SGTA: variants seen among roughly 807,000 people sequenced by gnomAD.
SGTA encodes the protein small glutamine rich tetratricopeptide repeat co-chaperone alpha, also known as small glutamine-rich tetratricopeptide repeat-containing protein alpha.
In SGTA, 22 loss-of-function variants were observed where a neutral mutation model predicts 44.3. The ratio of observed to expected loss-of-function variants is 0.50; its 90% CI spans 0.36 to 0.71. The LOEUF (loss-of-function observed/expected upper bound fraction) is 0.71. SGTA is among the 30% of genes least tolerant of loss of function. SGTA has a pLI of 0.00. For synonymous variants in SGTA, 174 were observed against 177.6 expected (o/e 0.98, Z 0.16); for missense variants, 341 against 435.9 (o/e 0.78, Z 1.94).
At chr19:2,782,933 G>A (rs1915604273) in intron 1 of SGTA, among the ~76,000 whole-genome samples, 1 of 152,218 alleles carries the variant, frequency 6.6e-6, no homozygotes, top group Non-Finnish European at 1.5e-5. Context: ...CGGAACGGCA[G>A]CGAACACCCA....
At chr19:2,768,937 G>A in intron 2 of SGTA, 32 bp downstream of exon 2, 1 of 1,523,816 alleles carries the variant, frequency 6.6e-7, no homozygotes, top group Non-Finnish European at 9.1e-7. Flanking sequence ...CCGCTGCCCG[G>A]GGAGAGGGGG....
chr19:2,771,083 C>A (rs1269537045), intron 1 of SGTA, among the ~76,000 whole-genome samples: 2 of 152,190 alleles, frequency 1.3e-5, no homozygotes, highest in Non-Finnish European at 2.9e-5. Context: ...GAAAAAATAA[C>A]CCGGAAGCTG....
chr19:2,767,418 G>A lies in SGTA; in HGVS notation c.207+162C>T, dbSNP rs921980049. Among the ~76,000 whole-genome samples, 1 of 152,206 alleles carries A rather than the reference G, an allele frequency of 6.6e-6. No homozygotes were observed. The highest frequency in any genetic ancestry group is 1.5e-5 in the Non-Finnish European group (1 of 68,032). ...ATGTGTCTCAGGACCCGCCGATAGG[G>A]GGAGGAGGGCCAAGTGCTCCTGCAG... On this transcript the variant is annotated intron_variant, in intron 3 of 11. Coordinates refer to ENST00000221566, the MANE Select transcript of SGTA (RefSeq NM_003021.4). The surrounding 1 kb of genome is among the most constrained non-coding windows in gnomAD (Gnocchi z 7.3).
intron 9 of SGTA, 65 bp downstream of exon 9, chr19:2,759,192 A>T: frequency 6.8e-7 from 1 of 1,465,870 alleles, no homozygotes; most frequent in Non-Finnish European, 9.5e-7. Context: ...ATGTTAAGTG[A>T]ATTTACCCAC....
rs372589231 is a variant in SGTA, at chr19:2,769,121, C to T, written c.-23-30G>A. 69 of 1,416,832 alleles carry T rather than the reference C, an allele frequency of 4.9e-5. No individual in the cohort carries two copies. The South Asian group carries it at 5.9e-4, about 12-fold the overall frequency. The allele number at this position is 1,416,832 out of a possible 1,614,324, so 87.8% of individuals were successfully genotyped here. A position where few individuals can be genotyped will look rare whatever the true frequency, so the allele number is the denominator to read the frequency against. ...GGGTGCAGGAAAAACCCCCATCAGG[C>T]CCCCTCACACTCCCCACTCCAGGCA... On this transcript the variant is annotated intron_variant, in intron 1 of 11. Coordinates refer to ENST00000221566, the MANE Select transcript of SGTA (RefSeq NM_003021.4).
intron 1 of SGTA, chr19:2,770,288 G>C (rs934752353): frequency 6.5e-6 from 1 of 153,132 alleles, no homozygotes; most frequent in African/African-American, 2.4e-5. Flanking sequence ...AGGCTGTTCT[G>C]GAATCTGGAG....
chr19:2,767,212 C>A lies in SGTA; in HGVS notation c.216G>T (p.Pro72=), dbSNP rs77882038. Residue 72 remains proline, a synonymous_variant, in exon 4 of 12, where the codon CCG becomes CCT. Transcript: ENST00000221566. This position sits in a 1 kb window ranked among gnomAD's most constrained non-coding sequence, Gnocchi z 7.3. ...FEAAATGKEM[P]QDLRSPARTP... Reference sequence around the variant, plus strand: ...TTCGCGCGGGGCTCCTCAGGTCCTGCGGCATCTCCTGGACCCGGAGGCAAA... The same window carrying A: ...TTCGCGCGGGGCTCCTCAGGTCCTGAGGCATCTCCTGGACCCGGAGGCAAA... 2.5e-6 allele frequency: 4 copies of A among 1,609,704 alleles called. No homozygotes were observed. Among genetic ancestry groups the A allele is most frequent in the Non-Finnish European group, 3.4e-6 (4 of 1,178,456 alleles).
At chr19:2,779,152 A>G (rs1388096849) in intron 1 of SGTA, among the ~76,000 whole-genome samples, 1 of 152,200 alleles carries the variant, frequency 6.6e-6, no homozygotes, top group East Asian at 1.9e-4. Context: ...CTAAGTGGGA[A>G]GAAAGGCTGG....
intron 4 of SGTA, among the ~76,000 whole-genome samples, chr19:2,766,471 C>T (rs1599501390): frequency 1.3e-5 from 2 of 151,350 alleles, no homozygotes; most frequent in Admixed American, 1.3e-4. Flanking sequence ...TCACTCTTAT[C>T]GCCCAGGCTG....
At chr19:2,756,789 C>T (rs1205458524) in intron 11 of SGTA, among the ~76,000 whole-genome samples, 3 of 152,128 alleles carry the variant, frequency 2.0e-5, no homozygotes, top group Non-Finnish European at 4.4e-5. Context: ...GCCCCTGGAA[C>T]CCATGGGGGA....
At chr19:2,779,739 C>CTTTATCATTAAAATAAAA (rs1915528069) in intron 1 of SGTA, among the ~76,000 whole-genome samples, 1 of 152,224 alleles carries the variant, frequency 6.6e-6, no homozygotes, top group African/African-American at 2.4e-5. Flanking sequence ...CTCCACATCC[C>CTTTATCATTAAAATAAAA]ACCTTTTCAT....
chr19:2,769,748 T>G (rs903999169), intron 1 of SGTA, among the ~76,000 whole-genome samples: 6 of 37,504 alleles, frequency 1.6e-4, no homozygotes, highest in African/African-American at 6.5e-4. Flanking sequence ...CAGACCCCCC[T>G]CTAGTTCCCC....
chr19:2,779,545 A>G (rs561914109), intron 1 of SGTA, among the ~76,000 whole-genome samples: 2 of 152,328 alleles, frequency 1.3e-5, no homozygotes, highest in South Asian at 4.1e-4. Flanking sequence ...GTGGGACAGC[A>G]TCTCAAAGAA....
In SGTA at chr19:2,755,777, G is replaced by C; in HGVS notation, c.*163C>G. 1 of 985,556 alleles carries C rather than the reference G, an allele frequency of 1.0e-6. No individual in the cohort carries two copies. The highest frequency in any genetic ancestry group is 1.2e-6 in the Non-Finnish European group (1 of 830,030). 61.1% of individuals were successfully genotyped at this position (985,556 alleles called of 1,614,324 possible). On this transcript the variant is annotated 3_prime_UTR_variant, in exon 12 of 12. Transcript: ENST00000221566. The surrounding 1 kb of genome is among the most constrained non-coding windows in gnomAD (Gnocchi z 5.2). ...GTAAGGGAGTTACAAAAAGGGAGTG[G>C]AGGAGGGCAGAGATAAAAGGGGAAA...
intron 4 of SGTA, among the ~76,000 whole-genome samples, chr19:2,766,473 C>G (rs1915145989): frequency 6.6e-6 from 1 of 151,836 alleles, no homozygotes; most frequent in African/African-American, 2.4e-5. Context: ...ACTCTTATCG[C>G]CCAGGCTGGA....
In SGTA at chr19:2,759,207, A is replaced by C. The variant is rs768430431; in HGVS notation, c.737+50T>G. 5.1e-6 allele frequency: 8 copies of C among 1,564,828 alleles called. No homozygotes were observed. The African/African-American group carries it at 6.8e-5, about 13-fold the overall frequency. ...ATGTTAAGTGAATTTACCCACAATAAAAGGAAATTTAACCACAACAAGACC... is the reference window on the plus strand; with the variant it reads ...ATGTTAAGTGAATTTACCCACAATACAAGGAAATTTAACCACAACAAGACC... On this transcript the variant is annotated intron_variant, in intron 9 of 11. Transcript: ENST00000221566.
At position 2,762,562 on chromosome 19, in the gene SGTA, T is replaced by C. The variant is rs777267522; in HGVS notation, c.580A>G (p.Thr194Ala). 5 of 1,613,994 alleles carry C rather than the reference T, an allele frequency of 3.1e-6. No homozygotes were observed. Among genetic ancestry groups the C allele is most frequent in the Non-Finnish European group, 2.5e-6 (3 of 1,180,008 alleles). The change falls in exon 7 of 12, where the codon ACA becomes GCA. Residue 194 changes from threonine (T) to alanine (A), a missense_variant. Transcript: ENST00000221566. Reference protein sequence around the residue: ...KALELDPDNETYKSNLKIAEL... With the variant: ...KALELDPDNEAYKSNLKIAEL... ...GCTATCTTGAGGTTGGACTTGTATG[T>C]CTCGTTGTCGGGGTCCAGCTCCAGA...
Position 2,763,508 on chromosome 19 carries a change from C to T in SGTA, c.497+145G>A. On this transcript the variant is annotated intron_variant, in intron 6 of 11. Transcript: ENST00000221566. The surrounding 1 kb of genome is among the most constrained non-coding windows in gnomAD (Gnocchi z 5.8). ...GTGACCTGTAGGGACTACGTTGGCT[C>T]CGAACAGCTAGTGTCAGAGTTGAAC... is the stretch of plus-strand genomic sequence containing the variant. 1.7e-6 allele frequency: 1 copy of T among 592,476 alleles called. No individual in the cohort carries two copies. The highest frequency in any genetic ancestry group is 2.1e-5 in the South Asian group (1 of 47,846). The allele number at this position is 592,476 out of a possible 1,614,324, so 36.7% of individuals were successfully genotyped here. A position where few individuals can be genotyped will look rare whatever the true frequency, so the allele number is the denominator to read the frequency against.
intron 1 of SGTA, among the ~76,000 whole-genome samples, chr19:2,774,493 A>G (rs1238806693): frequency 6.6e-6 from 1 of 152,156 alleles, no homozygotes; most frequent in Non-Finnish European, 1.5e-5. Flanking sequence ...TGTCCATTTT[A>G]ACTTTAAGTG....
Sources: allele counts gnomAD v4.1 joint callset (sites outside exome capture counted in the v4.1 genomes callset), GRCh38; gene constraint gnomAD v4.1.1; non-coding constraint Gnocchi (gnomAD v3.1); transcripts MANE v1.5; gene names NCBI Gene and HGNC (gene_info 2026-07-23, HGNC 2026-07-21).